Variants in SLC35G1 observed in about 807,000 individuals in gnomAD.
SLC35G1 encodes the protein partner of STIM1.
SLC35G1 carries 10 observed loss-of-function variants against 17.1 expected under a neutral mutation model. That is an observed-to-expected ratio of 0.59 (90% CI 0.36 to 0.99). The LOEUF is 0.99. Among genes scored for constraint, SLC35G1 ranks in the 50% least tolerant of loss-of-function variants. The probability of loss-of-function intolerance (pLI) is 0.01; values close to 1 mark genes in which losing one functional copy is unlikely to be tolerated. For synonymous variants in SLC35G1, 185 were observed against 181.1 expected (o/e 1.02, Z -0.18); for missense variants, 433 against 468.4 (o/e 0.92, Z 0.70).
downstream of SLC35G1, among the ~76,000 whole-genome samples, chr10:93,904,318 T>C (rs547243666): frequency 4.6e-5 from 7 of 152,302 alleles, no homozygotes; most frequent in African/African-American, 1.7e-4. Flanking sequence ...CAGCTTAATG[T>C]TCCTAAAGCC....
intron 1 of SLC35G1, among the ~76,000 whole-genome samples, chr10:93,898,210 A>G (rs2060348635): frequency 6.6e-6 from 1 of 152,216 alleles, no homozygotes; most frequent in Admixed American, 6.5e-5. Context: ...GTGGCGTAAG[A>G]TATCACTTGG....
In SLC35G1 at chr10:93,898,587, AC is replaced by A; in HGVS notation, c.198del (p.Cys67ValfsTer32). ...CTTTTTCAGAAGCCAAGAAGAAAGC[AC>A]CCTGTCCTGGACTTGGCTTGTTTTA... Reference protein sequence around the residue: ...RTEPEAKKKAPCPGLGLFYTL... With the variant: ...RTEPEAKKKAXCPGLGLFYTL... On this transcript the variant is annotated frameshift_variant, in exon 2 of 3. Coordinates refer to ENST00000427197, the MANE Select transcript of SLC35G1 (RefSeq NM_001134658.3). LOFTEE classifies it high-confidence loss of function. 6.2e-7 allele frequency: 1 copy of A among 1,605,970 alleles called. No individual in the cohort carries two copies. The highest frequency in any genetic ancestry group is 8.5e-7 in the Non-Finnish European group (1 of 1,177,968).
chr10:93,896,027 G>T (rs1312159614), intron 1 of SLC35G1, among the ~76,000 whole-genome samples: 1 of 150,390 alleles, frequency 6.6e-6, no homozygotes, highest in African/African-American at 2.5e-5. Context: ...GTCTTACTCT[G>T]TCACCAAGGC....
chr10:93,904,701 T>G (rs2060417349), downstream of SLC35G1, among the ~76,000 whole-genome samples: 1 of 152,222 alleles, frequency 6.6e-6, no homozygotes, highest in Admixed American at 6.5e-5. Context: ...ACTTTTCAGC[T>G]GGACAAATCA....
At chr10:93,900,320 A>G (rs1363614928) in intron 2 of SLC35G1, among the ~76,000 whole-genome samples, 1 of 152,178 alleles carries the variant, frequency 6.6e-6, no homozygotes, top group Non-Finnish European at 1.5e-5. Context: ...CATTGTATTT[A>G]TCATAAAAGT....
intron 2 of SLC35G1, among the ~76,000 whole-genome samples, chr10:93,899,470 G>A (rs1480822580): frequency 6.6e-6 from 1 of 152,040 alleles, no homozygotes; most frequent in Non-Finnish European, 1.5e-5. Flanking sequence ...TTCAACCATT[G>A]TAACCTCCAT....
chr10:93,896,151 C>T (rs2060327779), intron 1 of SLC35G1, among the ~76,000 whole-genome samples: 1 of 152,018 alleles, frequency 6.6e-6, no homozygotes, highest in African/African-American at 2.4e-5. Flanking sequence ...CCACCACACC[C>T]GACTAATTTA....
Position 93,900,897 on chromosome 10 carries a change from T to A in SLC35G1, c.505T>A (p.Phe169Ile), listed in dbSNP as rs1300835312. The A allele has an allele frequency of 2.5e-6, 4 of 1,614,080 alleles. No individual in the cohort carries two copies. The highest frequency in any genetic ancestry group is 3.4e-6 in the Non-Finnish European group (4 of 1,179,980). The change falls in exon 3 of 3, where the codon TTT becomes ATT. Residue 169 changes from phenylalanine to isoleucine, a missense_variant. Physicochemically the swap from Phe to Ile is conservative, Grantham distance 21 (BLOSUM62 0). Transcript: ENST00000427197. ...ATVITFSSPVFTSIFAWICLK... is the reference protein window; with the variant it reads ...ATVITFSSPVITSIFAWICLK... ...AGTTATCACGTTTAGCAGTCCAGTG[T>A]TTACGTCCATATTTGCTTGGATATG...
Position 93,900,987 on chromosome 10 carries a change from C to G in SLC35G1, c.595C>G (p.Leu199Val). The G allele has an allele frequency of 1.2e-6, 2 of 1,614,078 alleles. No homozygotes were observed. ...CGTGTTCACAATCACTGGAGTGATC[C>G]TTATCGTGAGACCACCATTTTTGTT... ...FTVFTITGVILIVRPPFLFGS... is the reference protein window; with the variant it reads ...FTVFTITGVIVIVRPPFLFGS... Residue 199 changes from leucine to valine, a missense_variant, in exon 3 of 3, where the codon CTT becomes GTT. Transcript: ENST00000427197.
intron 2 of SLC35G1, 126 bp from the exon 3 acceptor site, chr10:93,900,626 T>C: frequency 1.3e-6 from 1 of 753,134 alleles, no homozygotes; most frequent in Non-Finnish European, 2.0e-6. Flanking sequence ...GTGGATATTA[T>C]AATTAATTTA....
In SLC35G1 at chr10:93,902,034, T is replaced by C. The variant is rs1465639283; in HGVS notation, c.*544T>C. 1.3e-5 allele frequency: 2 copies of C among 152,628 alleles called. No homozygotes were observed. Among genetic ancestry groups the C allele is most frequent in the African/African-American group, 2.4e-5 (1 of 41,442 alleles). 9.5% of individuals were successfully genotyped at this position (152,628 alleles called of 1,614,324 possible). ...CTTAGAATAGGTGCCTGCTTAATGG[T>C]GTTAATAATACAAATGAATTGGCCT... On this transcript the variant is annotated 3_prime_UTR_variant, in exon 3 of 3. Coordinates refer to ENST00000427197, the MANE Select transcript of SLC35G1 (RefSeq NM_001134658.3).
At chr10:93,896,460 A>G (rs1468646422) in intron 1 of SLC35G1, among the ~76,000 whole-genome samples, 11 of 152,240 alleles carry the variant, frequency 7.2e-5, no homozygotes, top group Non-Finnish European at 1.5e-5. Context: ...GAGTTACCAA[A>G]TTATTAGATA....
Position 93,898,767 on chromosome 10 carries a change from C to T in SLC35G1, c.359+16C>T, listed in dbSNP as rs1302723142. On this transcript the variant is annotated intron_variant, in intron 2 of 2. Transcript: ENST00000427197. Reference sequence around the variant, plus strand: ...TATACAGAAAGTAAGTATTTTTTAACTGCAAAGTAGAAGATATTAATAAAT... The same window carrying T: ...TATACAGAAAGTAAGTATTTTTTAATTGCAAAGTAGAAGATATTAATAAAT... The T allele has an allele frequency of 1.9e-6, 3 of 1,590,046 alleles. No individual in the cohort carries two copies. Among genetic ancestry groups the T allele is most frequent in the African/African-American group, 2.7e-5 (2 of 73,282 alleles).
At chr10:93,898,810 C>A in intron 2 of SLC35G1, 59 bp downstream of exon 2, 1 of 1,480,114 alleles carries the variant, frequency 6.8e-7, no homozygotes, top group East Asian at 2.3e-5. Flanking sequence ...TATCTTTTCA[C>A]CTGCCTATAA....
At chr10:93,905,450 T>C (rs2060422512), downstream of SLC35G1, among the ~76,000 whole-genome samples, 1 of 152,192 alleles carries the variant, frequency 6.6e-6, no homozygotes, top group Non-Finnish European at 1.5e-5. Flanking sequence ...TTCTGCAAGA[T>C]AACCTATCAG....
At chr10:93,898,371 A>G (rs1239548117) in intron 1 of SLC35G1, among the ~76,000 whole-genome samples, 200 bp from the exon 2 acceptor site, 4 of 152,232 alleles carry the variant, frequency 2.6e-5, no homozygotes, top group African/African-American at 9.6e-5. Context: ...CATTTTAAAA[A>G]TGCAGGTTTA....
rs755735118 is a variant in SLC35G1, at chr10:93,894,102, A to AC, written c.74dup (p.Ala27ArgfsTer3). Reference sequence around the variant, plus strand: ...CCGGGCTGCCGCTAACGGACGATGCACCCCCGGGCGCCACTGAGGAGCCGG... The same window carrying AC: ...CCGGGCTGCCGCTAACGGACGATGCACCCCCCGGGCGCCACTGAGGAGCCGG... On this transcript the variant is annotated frameshift_variant, in exon 1 of 3. Transcript: ENST00000427197. LOFTEE classifies it high-confidence loss of function. 6.7e-7 allele frequency: 1 copy of AC among 1,488,946 alleles called. No individual in the cohort carries two copies. The highest frequency in any genetic ancestry group is 1.3e-5 in the South Asian group (1 of 79,416). 92.2% of individuals were successfully genotyped at this position (1,488,946 alleles called of 1,614,324 possible).
At chr10:93,894,248 C>G in intron 1 of SLC35G1, 37 bp downstream of exon 1, 1 of 1,306,318 alleles carries the variant, frequency 7.7e-7, no homozygotes, top group African/African-American at 1.5e-5. Context: ...TGGTCTCGCT[C>G]GGGGGTCCCG....
downstream of SLC35G1, among the ~76,000 whole-genome samples, chr10:93,905,309 T>C (rs2060421455): frequency 6.6e-6 from 1 of 152,148 alleles, no homozygotes; most frequent in Non-Finnish European, 1.5e-5. Context: ...TGGTCAATAA[T>C]GGGCATTAGA....
Sources: gnomAD v4.1 joint callset for allele counts (sites outside exome capture counted in the v4.1 genomes callset) on GRCh38, gnomAD v4.1.1 for gene constraint, MANE v1.5 for transcripts, NCBI Gene and HGNC (gene_info 2026-07-23, HGNC 2026-07-21) for gene names.